Variants in FRMPD1 observed in about 807,000 individuals in gnomAD.
FRMPD1 encodes FERM and PDZ domain-containing protein 1.
Under a neutral mutation model 117.8 loss-of-function variants are expected in FRMPD1, and 76 were observed. The observed-to-expected ratio is 0.65, with a 90% CI of 0.54 to 0.78. The LOEUF (loss-of-function observed/expected upper bound fraction) is 0.78, where lower values mean the gene tolerates loss of function less well. FRMPD1 is among the 30% of genes least tolerant of loss of function. FRMPD1 has a pLI of 0.00. For missense variants in FRMPD1, 1,786 were observed against 1,964.5 expected, an observed-to-expected ratio of 0.91 and a Z score of 1.72; for synonymous variants, 783 against 770.4, an observed-to-expected ratio of 1.02 and a Z score of -0.27.
In FRMPD1 at chr9:37,745,612, C is replaced by G. The variant is rs754292389; in HGVS notation, c.3580C>G (p.Gln1194Glu). Residue 1194 changes from glutamine to glutamate, a missense_variant, in exon 16 of 16, where the codon CAG becomes GAG. Coordinates refer to ENST00000377765, the MANE Select transcript of FRMPD1 (RefSeq NM_014907.3). The part of the protein sequence containing the change: ...QSREPPGQGC[Q>E]AQEQKLFVEL... ...CAGAGAACCCCCAGGGCAAGGCTGC[C>G]AGGCTCAAGAACAAAAACTATTCGT... The G allele has an allele frequency of 6.2e-7, 1 of 1,614,172 alleles. No individual in the cohort carries two copies.
chr9:37,717,369 G>GTGTGTGTATATATA (rs1407798527), intron 5 of FRMPD1, among the ~76,000 whole-genome samples: 9 of 94,134 alleles, frequency 9.6e-5, no homozygotes, highest in Admixed American at 3.1e-4. Context: ...GTGTGTGTGT[G>GTGTGTGTATATATA]TATATATATA....
intron 15 of FRMPD1, 110 bp from the exon 16 acceptor site, chr9:37,744,279 A>T: frequency 2.7e-6 from 2 of 735,754 alleles, no homozygotes; most frequent in Non-Finnish European, 4.6e-6. Context: ...GCTCAAGGTT[A>T]CACAGCCTAG....
chr9:37,665,425 A>G (rs567619058), intron 1 of FRMPD1, among the ~76,000 whole-genome samples: 1 of 152,336 alleles, frequency 6.6e-6, no homozygotes, highest in South Asian at 2.1e-4. Flanking sequence ...TGAGCACATC[A>G]TTTATCTTGC....
At position 37,744,738 on chromosome 9, in the gene FRMPD1, G is replaced by C; in HGVS notation, c.2706G>C (p.Leu902Phe). ...CTGGCCTTCTGGAGACCAAGGCCTT[G>C]GGGCTGCTGGCTCCTCTGAGGGAGA... is the stretch of plus-strand genomic sequence containing the variant. ...GEPGLLETKA[L>F]GLLAPLRETK... is the part of the protein sequence containing the mutation. The change falls in exon 16 of 16, where the codon TTG (leucine) becomes TTC (phenylalanine). Residue 902 changes from leucine to phenylalanine, a missense_variant. By Grantham distance (22) the Leu-to-Phe change is conservative (BLOSUM62 0). Transcript: ENST00000377765. 2 of 1,613,994 alleles carry C rather than the reference G, an allele frequency of 1.2e-6. No individual in the cohort carries two copies. Among genetic ancestry groups the C allele is most frequent in the Non-Finnish European group, 1.7e-6 (2 of 1,179,972 alleles).
At chr9:37,719,285 C>T in intron 6 of FRMPD1, 109 bp downstream of exon 6, 1 of 724,598 alleles carries the variant, frequency 1.4e-6, no homozygotes, top group Non-Finnish European at 2.5e-6. Flanking sequence ...AGAGGAAGTG[C>T]AGTGTGTTTG....
At position 37,745,899 on chromosome 9, in the gene FRMPD1, T is replaced by C; in HGVS notation, c.3867T>C (p.Leu1289=). The C allele has an allele frequency of 1.2e-6, 2 of 1,614,246 alleles. No individual in the cohort carries two copies. The highest frequency in any genetic ancestry group is 1.1e-5 in the South Asian group (1 of 91,090). ...AAAGTGACAGCTCTAGCATCTGCCT[T>C]TCTGCTGAGAAGTCTTTTCTGTGCT... ...EGKSDSSSIC[L]SAEKSFLCFA... The change falls in exon 16 of 16, where the codon CTT becomes CTC. Residue 1289 remains leucine (L), a synonymous_variant. Coordinates refer to ENST00000377765, the MANE Select transcript of FRMPD1 (RefSeq NM_014907.3).
chr9:37,625,937 T>A, the FRMPD1 span, among the ~76,000 whole-genome samples: 8 of 152,188 alleles, frequency 5.3e-5, no homozygotes, highest in Non-Finnish European at 1.2e-4. Flanking sequence ...AAAATGTAAA[T>A]GAGGGCCGGG....
intron 1 of FRMPD1, among the ~76,000 whole-genome samples, chr9:37,669,044 G>A (rs1462103478): frequency 6.6e-6 from 1 of 152,102 alleles, no homozygotes; most frequent in Non-Finnish European, 1.5e-5. Context: ...AGGATAATGA[G>A]CAATCTTTGG....
chr9:37,733,858 C>T (rs1396880613), intron 12 of FRMPD1, 33 bp downstream of exon 12: 6 of 1,144,528 alleles, frequency 5.2e-6, no homozygotes, highest in South Asian at 2.5e-5. Context: ...ATCCTACTCA[C>T]GTAAGGGACC....
intron 1 of FRMPD1, among the ~76,000 whole-genome samples, chr9:37,666,847 C>G (rs1163148559): frequency 6.6e-6 from 1 of 152,120 alleles, no homozygotes; most frequent in Non-Finnish European, 1.5e-5. Context: ...TTGTGCCTAG[C>G]TTTCTGAGGT....
upstream of FRMPD1, among the ~76,000 whole-genome samples, chr9:37,646,113 C>A (rs960656493): frequency 1.1e-4 from 16 of 152,166 alleles, no homozygotes; most frequent in African/African-American, 1.7e-4. Flanking sequence ...TTTTTAATAA[C>A]CCTCTCGCAG....
At chr9:37,723,671 A>C (rs1433439597) in intron 6 of FRMPD1, among the ~76,000 whole-genome samples, 1 of 152,182 alleles carries the variant, frequency 6.6e-6, no homozygotes, top group Non-Finnish European at 1.5e-5. Flanking sequence ...CAGCTGGCCA[A>C]CATGGTGAAA....
chr9:37,708,490 C>T lies in FRMPD1; in HGVS notation c.351C>T (p.Val117=), dbSNP rs745630668. ...PAEDLSWERA[V]DILREAEDSL... ...AAGACCTTTCCTGGGAACGAGCAGT[C>T]GATATTCTCAGGTACTAAATGGTCT... The change falls in exon 4 of 16, where the codon GTC becomes GTT. Residue 117 remains valine, a synonymous_variant. Transcript: ENST00000377765. 28 of 1,587,476 alleles carry T rather than the reference C, an allele frequency of 1.8e-5. No homozygotes were observed. The highest frequency in any genetic ancestry group is 5.0e-5 in the Admixed American group (3 of 59,976).
At chr9:37,656,617 A>G (rs775578089) in intron 1 of FRMPD1, among the ~76,000 whole-genome samples, 6 of 152,220 alleles carry the variant, frequency 3.9e-5, no homozygotes, top group Non-Finnish European at 8.8e-5. Context: ...ATATATGTTC[A>G]TGGAAGCAGT....
At chr9:37,731,182 G>C in intron 9 of FRMPD1, 79 bp downstream of exon 9, 1 of 1,312,800 alleles carries the variant, frequency 7.6e-7, no homozygotes, top group East Asian at 2.3e-5. Flanking sequence ...ACGTGAGCTC[G>C]AGGCCATTAA....
At chr9:37,717,802 G>A (rs1260720917) in intron 5 of FRMPD1, among the ~76,000 whole-genome samples, 1 of 152,054 alleles carries the variant, frequency 6.6e-6, no homozygotes, top group Non-Finnish European at 1.5e-5. Flanking sequence ...TCCATTCTCT[G>A]TTCCGTGGAT....
the FRMPD1 span, among the ~76,000 whole-genome samples, chr9:37,627,277 C>T: frequency 6.6e-6 from 1 of 152,126 alleles, no homozygotes; most frequent in Non-Finnish European, 1.5e-5. Flanking sequence ...CACCTCTTTG[C>T]CTCCCCATAA....
the FRMPD1 span, among the ~76,000 whole-genome samples, chr9:37,642,753 A>C: frequency 7.9e-5 from 12 of 152,180 alleles, no homozygotes; most frequent in African/African-American, 2.9e-4. Context: ...CCATTCTGCC[A>C]ATCTTTGTCT....
At chr9:37,603,645 T>TTTTTGTTTTG in the FRMPD1 span, among the ~76,000 whole-genome samples, 7 of 151,578 alleles carry the variant, frequency 4.6e-5, no homozygotes, top group African/African-American at 1.5e-4. Flanking sequence ...GCTAATAGGT[T>TTTTTGTTTTG]TTTTGTTTTG....
Sources: allele counts gnomAD v4.1 joint callset (sites outside exome capture counted in the v4.1 genomes callset), GRCh38; gene constraint gnomAD v4.1.1; transcripts MANE v1.5; gene names NCBI Gene and HGNC (gene_info 2026-07-23, HGNC 2026-07-21).